The following CAST variants were observed in gnomAD, a reference collection of about 807,000 sequenced individuals.
CAST encodes calpastatin.
Under a neutral mutation model 119.6 loss-of-function variants are expected in CAST, and 76 were observed. The ratio of observed to expected loss-of-function variants is 0.64; its 90% CI spans 0.53 to 0.77. The LOEUF (loss-of-function observed/expected upper bound fraction) is 0.77, where lower values mean the gene tolerates loss of function less well. Among genes scored for constraint, CAST ranks in the 30% least tolerant of loss-of-function variants. The pLI is 0.00. For synonymous variants in CAST, 319 were observed against 331.6 expected (o/e 0.96, Z 0.41); for missense variants, 953 against 946.5 (o/e 1.01, Z -0.09).
In CAST at chr5:96,670,468, GCTT is replaced by G. The variant is rs539806977; in HGVS notation, c.76-5067_76-5065del. On this transcript the variant is annotated intron_variant, in intron 1 of 31. Coordinates refer to ENST00000675179, the MANE Select transcript of CAST (RefSeq NM_001750.7). ...GCAAGGGCTGCTTTTCTGTCTTCTTGCTTCTTTTATATGTGAAGAAGTTTCTTT... is the reference window on the plus strand; with the variant it reads ...GCAAGGGCTGCTTTTCTGTCTTCTTGCTTTTATATGTGAAGAAGTTTCTTT... 2.5e-3 allele frequency among the ~76,000 whole-genome samples: 378 copies of G among 152,216 alleles called. 1 individual carries two copies. The highest frequency in any genetic ancestry group is 8.4e-3 in the African/African-American group (348 of 41,548).
At chr5:96,643,889 AAC>A (rs1217408683) in intron 1 of CAST, among the ~76,000 whole-genome samples, 1 of 152,100 alleles carries the variant, frequency 6.6e-6, no homozygotes. Flanking sequence ...TAATAATAAT[AAC>A]ACAAAAAATT....
rs532493966 is a variant in CAST at position 96,693,552 on chromosome 5, C to T, written c.139-2284C>T. Among the ~76,000 whole-genome samples the T allele has an allele frequency of 3.9e-5, 6 of 152,280 alleles. 1 individual carries two copies. Among genetic ancestry groups the T allele is most frequent in the African/African-American group, 1.4e-4 (6 of 41,552 alleles). On this transcript the variant is annotated intron_variant, in intron 2 of 31. Transcript: ENST00000675179. Reference sequence around the variant, plus strand: ...AGCTAATAGCTGGAGTTTGGGACAGCTGTGTCACATTGAAAACAGACCTAA... The same window carrying T: ...AGCTAATAGCTGGAGTTTGGGACAGTTGTGTCACATTGAAAACAGACCTAA...
chr5:96,726,401 T>G (rs1357599327), intron 4 of CAST, among the ~76,000 whole-genome samples: 2 of 152,208 alleles, frequency 1.3e-5, no homozygotes, highest in Admixed American at 1.3e-4. Context: ...ACTAAATATT[T>G]ACAATTTTGG....
the CAST span, among the ~76,000 whole-genome samples, chr5:96,264,957 T>G: frequency 6.6e-6 from 1 of 152,322 alleles, no homozygotes; most frequent in South Asian, 2.1e-4. Flanking sequence ...CATTTGATAG[T>G]TTTTGATTTA....
At chr5:96,042,819 C>A in the CAST span, among the ~76,000 whole-genome samples, 1 of 152,030 alleles carries the variant, frequency 6.6e-6, no homozygotes, top group Non-Finnish European at 1.5e-5. Flanking sequence ...ATAAAAATAC[C>A]TCCCAGAAGT....
the CAST span, among the ~76,000 whole-genome samples, chr5:96,461,438 G>A: frequency 6.6e-6 from 1 of 152,082 alleles, no homozygotes; most frequent in Non-Finnish European, 1.5e-5. Flanking sequence ...TTCTAGAACT[G>A]TTTCCACAGC....
At chr5:96,154,038 C>A in the CAST span, among the ~76,000 whole-genome samples, 1 of 152,102 alleles carries the variant, frequency 6.6e-6, no homozygotes, top group African/African-American at 2.4e-5. Flanking sequence ...TGCCTGTAAT[C>A]CCAGCACTTT....
chr5:96,236,274 AG>A, the CAST span, among the ~76,000 whole-genome samples: 1 of 152,230 alleles, frequency 6.6e-6, no homozygotes, highest in African/African-American at 2.4e-5. Context: ...CTCATAATTC[AG>A]TGATGCATCC....
chr5:96,104,454 G>T, the CAST span, among the ~76,000 whole-genome samples: 7 of 152,060 alleles, frequency 4.6e-5, no homozygotes, highest in African/African-American at 1.7e-4. Context: ...TCTACATATG[G>T]CTAGCCAGTT....
At chr5:96,741,735 T>G in intron 15 of CAST, 155 bp downstream of exon 15, 1 of 596,774 alleles carries the variant, frequency 1.7e-6, no homozygotes, top group Non-Finnish European at 3.1e-6. Flanking sequence ...GTTATGTTGA[T>G]CATCTCCAGG....
At chr5:96,642,125 C>T (rs1459893750) in intron 1 of CAST, among the ~76,000 whole-genome samples, 1 of 152,178 alleles carries the variant, frequency 6.6e-6, no homozygotes, top group Non-Finnish European at 1.5e-5. Context: ...CAGAAACCAA[C>T]CAGATGTTAT....
chr5:96,672,695 A>G (rs1304728445), intron 1 of CAST, among the ~76,000 whole-genome samples: 3 of 135,174 alleles, frequency 2.2e-5, no homozygotes, highest in Non-Finnish European at 3.1e-5. Flanking sequence ...TGACAGAGTG[A>G]GACTCAGTCT....
At chr5:96,083,628 A>G in the CAST span, among the ~76,000 whole-genome samples, 2 of 152,222 alleles carry the variant, frequency 1.3e-5, no homozygotes, top group African/African-American at 2.4e-5. Flanking sequence ...AATTTTCTCA[A>G]TGTGAATGGA....
the CAST span, among the ~76,000 whole-genome samples, chr5:96,083,598 A>T: frequency 6.6e-6 from 1 of 152,220 alleles, no homozygotes; most frequent in African/African-American, 2.4e-5. Context: ...GAAGAAAGGC[A>T]CCTACCACCA....
chr5:96,652,882 CT>C, intron 1 of CAST, among the ~76,000 whole-genome samples: 2 of 152,302 alleles, frequency 1.3e-5, no homozygotes, highest in East Asian at 1.9e-4. Flanking sequence ...ACCATAATCC[CT>C]TTCTGCAAGA....
the CAST span, among the ~76,000 whole-genome samples, chr5:96,440,567 G>A: frequency 6.6e-6 from 1 of 152,096 alleles, no homozygotes; most frequent in Non-Finnish European, 1.5e-5. Context: ...ATGGACTTGT[G>A]GGTGGGGGAG....
the CAST span, among the ~76,000 whole-genome samples, chr5:96,080,712 C>G: frequency 6.6e-6 from 1 of 152,176 alleles, no homozygotes; most frequent in Non-Finnish European, 1.5e-5. Flanking sequence ...CCTGACTCAT[C>G]TAACTGTGAC....
intron 1 of CAST, among the ~76,000 whole-genome samples, chr5:96,554,426 C>T (rs1424110295): frequency 6.6e-6 from 1 of 152,094 alleles, no homozygotes; most frequent in Admixed American, 6.6e-5. Flanking sequence ...AAAGACTTAA[C>T]TGTAAGACGT....
At chr5:96,219,187 C>T in the CAST span, among the ~76,000 whole-genome samples, 112,785 of 152,010 alleles carry the variant, frequency 0.74, 42,038 homozygotes, top group East Asian at 0.84. Context: ...TCAATTTAAC[C>T]AAAAATTTTC....
Sources: allele counts gnomAD v4.1 joint callset (sites outside exome capture counted in the v4.1 genomes callset), GRCh38; gene constraint gnomAD v4.1.1; transcripts MANE v1.5; gene names NCBI Gene and HGNC (gene_info 2026-07-23, HGNC 2026-07-21).